The following MYOM2 variants were observed in gnomAD, a reference collection of about 807,000 sequenced individuals.
MYOM2 encodes myomesin-2.
In MYOM2, 254 loss-of-function variants were observed where a neutral mutation model predicts 187.6. That is an observed-to-expected ratio of 1.35 (90% CI 1.22 to 1.50). MYOM2 has a LOEUF of 1.50. Among genes scored for constraint, MYOM2 ranks in the 40% most tolerant of loss-of-function variants. MYOM2 has a pLI of 0.00. For missense variants in MYOM2, 2,796 were observed against 1,924.0 expected, an observed-to-expected ratio of 1.45 and a Z score of -8.48; for synonymous variants, 981 against 753.8, an observed-to-expected ratio of 1.30 and a Z score of -4.94.
At chr8:2,050,980 G>A in intron 2 of MYOM2, 107 bp downstream of exon 2, 1 of 824,448 alleles carries the variant, frequency 1.2e-6, no homozygotes. Context: ...GGTTTGCAGG[G>A]AGTCAGAGAG....
At chr8:2,132,186 CT>C (rs1449731817) in intron 32 of MYOM2, among the ~76,000 whole-genome samples, 2 of 152,140 alleles carry the variant, frequency 1.3e-5, no homozygotes, top group African/African-American at 2.4e-5. Context: ...TTCACAAAAC[CT>C]ATGAAGCCAG....
rs1285443187 is a variant in MYOM2, at chr8:2,123,653, ACCT to A, written c.3655+15_3655+17del. On this transcript the variant is annotated intron_variant, in intron 30 of 36. Transcript: ENST00000262113. ...AAATAGCTGGCAAAGGTAAAAGAAA[ACCT>A]CCTTTGTTCTGTGAACAAGAAATTC... 1.2e-6 allele frequency: 2 copies of A among 1,611,214 alleles called. No individual in the cohort carries two copies. The highest frequency in any genetic ancestry group is 1.7e-6 in the Non-Finnish European group (2 of 1,177,604).
At chr8:2,089,953 C>A (rs1339253305) in intron 14 of MYOM2, 55 bp from the exon 15 acceptor site, 17 of 1,570,852 alleles carry the variant, frequency 1.1e-5, no homozygotes, top group Non-Finnish European at 1.4e-5. Flanking sequence ...CCTCCACACG[C>A]CTCTGGGGAC....
chr8:2,101,013 A>G lies in MYOM2; in HGVS notation c.2578A>G (p.Ile860Val). The G allele has an allele frequency of 6.2e-7, 1 of 1,614,064 alleles. No individual in the cohort carries two copies. The highest frequency in any genetic ancestry group is 8.5e-7 in the Non-Finnish European group (1 of 1,180,022). ...CAGGGAGGAGGATGCTGGAGAGTGG[A>G]TCACTGTCAATCAGACGACAACAGC... ...DFREEDAGEW[I>V]TVNQTTTASR... Residue 860 changes from isoleucine to valine, a missense_variant, in exon 20 of 37, where the codon ATC becomes GTC. Coordinates refer to ENST00000262113, the MANE Select transcript of MYOM2 (RefSeq NM_003970.4).
intron 23 of MYOM2, 133 bp from the exon 24 acceptor site, chr8:2,108,653 G>T (rs888169165): frequency 1.3e-5 from 11 of 866,614 alleles, no homozygotes; most frequent in African/African-American, 6.7e-5. Flanking sequence ...CAGACTTGTA[G>T]TTTAAATTCC....
intron 9 of MYOM2, 62 bp downstream of exon 9, chr8:2,072,571 T>C (rs1200226059): frequency 6.5e-7 from 1 of 1,543,968 alleles, no homozygotes; most frequent in Non-Finnish European, 8.7e-7. Flanking sequence ...GAAATGTCCT[T>C]TAAATGTGGG....
intron 6 of MYOM2, among the ~76,000 whole-genome samples, chr8:2,065,849 G>A (rs1819001822): frequency 6.6e-6 from 1 of 152,076 alleles, no homozygotes; most frequent in Admixed American, 6.5e-5. Flanking sequence ...CCTGACAGGT[G>A]TGTGATGAGC....
At chr8:2,075,817 C>G (rs540888898) in intron 10 of MYOM2, among the ~76,000 whole-genome samples, 1 of 152,242 alleles carries the variant, frequency 6.6e-6, no homozygotes, top group African/African-American at 2.4e-5. Flanking sequence ...CTGTTTCATC[C>G]GCACATTTTT....
At position 2,100,954 on chromosome 8, in the gene MYOM2, G is replaced by A. The variant is rs138971535; in HGVS notation, c.2519G>A (p.Gly840Asp). The change falls in exon 20 of 37, where the codon GGC (glycine) becomes GAC (aspartate). Residue 840 changes from glycine to aspartate, a missense_variant. Coordinates refer to ENST00000262113, the MANE Select transcript of MYOM2 (RefSeq NM_003970.4). ...VMLWKAPVYS[G>D]SSPVSGYFVD... ...CTGTGGAAGGCCCCTGTGTACTCCG[G>A]CAGCAGCCCTGTTTCTGGATATTTC... is the stretch of plus-strand genomic sequence containing the variant. The A allele has an allele frequency of 8.7e-6, 14 of 1,614,086 alleles. No homozygotes were observed. The African/African-American group carries it at 1.5e-4, about 17-fold the overall frequency.
intron 18 of MYOM2, among the ~76,000 whole-genome samples, chr8:2,096,817 G>C (rs1314068062): frequency 6.6e-6 from 1 of 152,202 alleles, no homozygotes; most frequent in African/African-American, 2.4e-5. Context: ...TAGGAAGAGA[G>C]TAATGTTGGC....
chr8:2,098,708 G>A (rs1257120482), intron 18 of MYOM2, 149 bp from the exon 19 acceptor site: 3 of 834,992 alleles, frequency 3.6e-6, no homozygotes, highest in South Asian at 2.0e-5. Flanking sequence ...GCCACATCGA[G>A]GTCCTTCCTG....
chr8:2,137,235 T>C (rs1044519935), intron 32 of MYOM2, among the ~76,000 whole-genome samples: 14 of 151,864 alleles, frequency 9.2e-5, no homozygotes, highest in African/African-American at 3.1e-4. Context: ...ACGTGATGTG[T>C]GGGAGGATGA....
intron 25 of MYOM2, 107 bp downstream of exon 25, chr8:2,109,638 A>T: frequency 8.0e-7 from 1 of 1,248,276 alleles, no homozygotes; most frequent in South Asian, 1.6e-5. Flanking sequence ...TCCTTTTCTG[A>T]GCCTTAAAGA....
At chr8:2,086,393 T>G (rs1408663561) in intron 14 of MYOM2, among the ~76,000 whole-genome samples, 4,609 of 34,348 alleles carry the variant, frequency 0.13, 1,637 homozygotes, top group Admixed American at 0.17. Context: ...GGCCTCCCAC[T>G]GTTGTGATCT....
At chr8:2,045,481 C>A (rs1039301875) in intron 1 of MYOM2, among the ~76,000 whole-genome samples, 1 of 152,216 alleles carries the variant, frequency 6.6e-6, no homozygotes, top group African/African-American at 2.4e-5. Flanking sequence ...GGGGGCCCCC[C>A]AGTCAGTGGA....
intron 34 of MYOM2, among the ~76,000 whole-genome samples, 196 bp downstream of exon 34, chr8:2,141,373 G>A (rs112288806): frequency 5.5e-4 from 83 of 152,254 alleles, no homozygotes; most frequent in African/African-American, 2.0e-3. Flanking sequence ...ATTTATAAAC[G>A]GACTGTCCAG....
chr8:2,143,162 C>T (rs1431613150), intron 35 of MYOM2, among the ~76,000 whole-genome samples: 5 of 152,154 alleles, frequency 3.3e-5, no homozygotes, highest in Non-Finnish European at 7.3e-5. Context: ...CTCACATTTC[C>T]TCTGGAGTGT....
chr8:2,092,936 C>T (rs1221942336), intron 16 of MYOM2, among the ~76,000 whole-genome samples: 9 of 151,984 alleles, frequency 5.9e-5, no homozygotes, highest in Admixed American at 5.9e-4. Context: ...TGATGGAGAC[C>T]CCACCGGGCG....
chr8:2,143,205 C>T (rs1798337856), intron 35 of MYOM2, 196 bp from the exon 36 acceptor site: 1 of 654,164 alleles, frequency 1.5e-6, no homozygotes, highest in South Asian at 1.8e-5. Context: ...AGTCTGTTAT[C>T]TCCTCATCTA....
Sources: allele counts gnomAD v4.1 joint callset (sites outside exome capture counted in the v4.1 genomes callset), GRCh38; gene constraint gnomAD v4.1.1; transcripts MANE v1.5; gene names NCBI Gene and HGNC (gene_info 2026-07-23, HGNC 2026-07-21).